The following MYO3A variants were observed in gnomAD, a reference collection of about 807,000 sequenced individuals.
MYO3A encodes myosin IIIA.
Under a neutral mutation model 192.7 loss-of-function variants are expected in MYO3A, and 180 were observed. The observed-to-expected ratio is 0.93, with a 90% confidence interval of 0.83 to 1.06. The LOEUF is 1.06. Ranked by LOEUF, MYO3A falls within the 50% of genes least tolerant of loss-of-function variation. The probability of loss-of-function intolerance (pLI) is 0.00; values close to 1 mark genes in which losing one functional copy is unlikely to be tolerated. For synonymous variants in MYO3A, 628 were observed against 645.3 expected, an observed-to-expected ratio of 0.97 and a Z score of 0.41; for missense variants, 1,896 against 1,905.0, an observed-to-expected ratio of 1.00 and a Z score of 0.09.
chr10:26,046,674 C>T (rs1047299192), intron 10 of MYO3A, among the ~76,000 whole-genome samples: 8 of 152,204 alleles, frequency 5.3e-5, no homozygotes, highest in African/African-American at 1.9e-4. Context: ...AAAGCTATCC[C>T]TGGTTCATTG....
intron 14 of MYO3A, 75 bp from the exon 15 acceptor site, chr10:26,088,128 C>T (rs1465872193): frequency 5.0e-6 from 6 of 1,205,118 alleles, no homozygotes; most frequent in Non-Finnish European, 7.0e-6. Context: ...AATTGCTTAC[C>T]AAAGAAGAGA....
intron 4 of MYO3A, among the ~76,000 whole-genome samples, chr10:25,974,099 A>G (rs1030388965): frequency 6.6e-6 from 1 of 152,254 alleles, no homozygotes; most frequent in Admixed American, 6.5e-5. Context: ...ATGGGATCTA[A>G]TTCAACTAAA....
chr10:26,040,630 G>A (rs189839319), intron 10 of MYO3A, among the ~76,000 whole-genome samples: 35 of 152,194 alleles, frequency 2.3e-4, no homozygotes. Context: ...AAACACTGCA[G>A]CCACAAGCAC....
chr10:26,195,108 C>T (rs1843344424), intron 32 of MYO3A, among the ~76,000 whole-genome samples: 1 of 152,194 alleles, frequency 6.6e-6, no homozygotes, highest in African/African-American at 2.4e-5. Context: ...CTGCCCCAAG[C>T]TCTAGGCGAT....
chr10:26,110,672 G>T (rs1012709661), intron 17 of MYO3A, among the ~76,000 whole-genome samples: 37 of 152,104 alleles, frequency 2.4e-4, no homozygotes, highest in African/African-American at 8.0e-4. Flanking sequence ...ACTTATCATG[G>T]ATACCTCGTG....
intron 6 of MYO3A, among the ~76,000 whole-genome samples, chr10:26,006,633 G>T (rs1039718465): frequency 6.6e-5 from 10 of 152,172 alleles, no homozygotes; most frequent in South Asian, 4.1e-4. Context: ...AAATCTAGAA[G>T]AAATGGATAA....
chr10:26,080,345 T>C (rs1416168418), intron 14 of MYO3A, among the ~76,000 whole-genome samples: 3 of 152,154 alleles, frequency 2.0e-5, no homozygotes, highest in Non-Finnish European at 2.9e-5. Context: ...ATTTCACATC[T>C]CTAAAAGTGT....
At chr10:26,090,558 T>C (rs1404122337) in intron 15 of MYO3A, among the ~76,000 whole-genome samples, 2 of 152,226 alleles carry the variant, frequency 1.3e-5, no homozygotes, top group Non-Finnish European at 2.9e-5. Context: ...CTGTCTTTAA[T>C]TTATAACACT....
At chr10:25,997,284 T>G (rs770980340) in intron 6 of MYO3A, 26 bp downstream of exon 6, 1 of 1,473,748 alleles carries the variant, frequency 6.8e-7, no homozygotes, top group Admixed American at 1.7e-5. Context: ...AATGCATGAG[T>G]TTTAACTCCA....
intron 10 of MYO3A, among the ~76,000 whole-genome samples, chr10:26,054,412 A>G (rs1844193480): frequency 6.6e-6 from 1 of 152,174 alleles, no homozygotes; most frequent in African/African-American, 2.4e-5. Context: ...AAACTCTCCA[A>G]ACTGTTTTTA....
intron 2 of MYO3A, among the ~76,000 whole-genome samples, chr10:25,937,319 C>A (rs989457608): frequency 3.3e-5 from 5 of 152,222 alleles, no homozygotes; most frequent in Admixed American, 1.3e-4. Context: ...ATTTTACCTC[C>A]CTCACTCCTG....
chr10:25,978,424 T>G (rs1223014898), intron 4 of MYO3A, among the ~76,000 whole-genome samples: 2 of 152,168 alleles, frequency 1.3e-5, no homozygotes, highest in Non-Finnish European at 2.9e-5. Flanking sequence ...GGAGCGCTTG[T>G]GCAGGGAAAC....
chr10:25,962,772 C>T (rs192424002), intron 4 of MYO3A, among the ~76,000 whole-genome samples: 58 of 152,168 alleles, frequency 3.8e-4, no homozygotes, highest in African/African-American at 1.1e-3. Context: ...CTACCTGAAC[C>T]GGGAGACCGT....
intron 4 of MYO3A, among the ~76,000 whole-genome samples, chr10:25,991,982 G>C: frequency 6.6e-6 from 1 of 152,204 alleles, no homozygotes; most frequent in East Asian, 1.9e-4. Flanking sequence ...GCTTAGGATT[G>C]ACTTGGCAAT....
chr10:26,211,731 G>A, intron 34 of MYO3A, 112 bp from the exon 35 acceptor site: 1 of 1,403,372 alleles, frequency 7.1e-7, no homozygotes, highest in East Asian at 2.4e-5. Flanking sequence ...TTTCCTAAAT[G>A]TCCGCGGTTG....
intron 15 of MYO3A, among the ~76,000 whole-genome samples, chr10:26,088,985 T>C: frequency 6.6e-6 from 1 of 152,288 alleles, no homozygotes; most frequent in East Asian, 1.9e-4. Flanking sequence ...TCACAAAACA[T>C]CTTTGTTATT....
At chr10:26,033,079 T>A (rs1842873793) in intron 10 of MYO3A, among the ~76,000 whole-genome samples, 1 of 152,140 alleles carries the variant, frequency 6.6e-6, no homozygotes, top group South Asian at 2.1e-4. Flanking sequence ...TATTTTATTT[T>A]ATTTATTTTT....
chr10:26,095,101 C>A, intron 15 of MYO3A, among the ~76,000 whole-genome samples: 1 of 152,122 alleles, frequency 6.6e-6, no homozygotes, highest in East Asian at 1.9e-4. Context: ...GGACCCAGAG[C>A]ACAGTTCAGG....
chr10:26,061,937 G>A (rs929546673), intron 10 of MYO3A, among the ~76,000 whole-genome samples: 1 of 152,216 alleles, frequency 6.6e-6, no homozygotes, highest in South Asian at 2.1e-4. Flanking sequence ...ATCAAAAATG[G>A]TTATACTTAT....
Sources: allele counts gnomAD v4.1 joint callset (sites outside exome capture counted in the v4.1 genomes callset), GRCh38; gene constraint gnomAD v4.1.1; transcripts MANE v1.5; gene names NCBI Gene and HGNC (gene_info 2026-07-23, HGNC 2026-07-21).